ESRRG: variants seen among roughly 807,000 people sequenced by gnomAD.
The protein encoded by ESRRG is estrogen related receptor gamma.
ESRRG carries 13 observed loss-of-function variants against 44.0 expected under a neutral mutation model. The ratio of observed to expected loss-of-function variants is 0.30; its 90% CI spans 0.19 to 0.47. The LOEUF (loss-of-function observed/expected upper bound fraction) is 0.47, where lower values mean the gene tolerates loss of function less well. Among genes scored for constraint, ESRRG ranks in the 20% least tolerant of loss-of-function variants. ESRRG has a pLI of 1.00. For missense variants in ESRRG, 395 were observed against 580.6 expected (o/e 0.68, Z 3.29); for synonymous variants, 215 against 214.6 (o/e 1.00, Z -0.02).
chr1:216,650,088 T>C (rs1050573548), intron 3 of ESRRG, among the ~76,000 whole-genome samples: 1 of 152,198 alleles, frequency 6.6e-6, no homozygotes, highest in Non-Finnish European at 1.5e-5. Context: ...TTACCATCTT[T>C]TCATTGTGTT....
intron 2 of ESRRG, among the ~76,000 whole-genome samples, chr1:216,927,359 C>A (rs1402364949): frequency 6.6e-6 from 1 of 152,078 alleles, no homozygotes; most frequent in Non-Finnish European, 1.5e-5. Context: ...CTGAAGACGG[C>A]CCCTCACCAC....
At chr1:216,921,193 A>T (rs1176402939) in intron 2 of ESRRG, among the ~76,000 whole-genome samples, 1 of 152,176 alleles carries the variant, frequency 6.6e-6, no homozygotes, top group Non-Finnish European at 1.5e-5. Flanking sequence ...TCACGTAGAT[A>T]CCAGACACAT....
At chr1:217,117,499 C>T (rs565537482) in intron 1 of ESRRG, among the ~76,000 whole-genome samples, 19 of 152,054 alleles carry the variant, frequency 1.2e-4, no homozygotes, top group Non-Finnish European at 2.5e-4. Flanking sequence ...ATGGATTGAT[C>T]ACTTGAGCCT....
intron 2 of ESRRG, among the ~76,000 whole-genome samples, chr1:216,758,357 G>A (rs1247001130): frequency 6.6e-6 from 1 of 152,066 alleles, no homozygotes; most frequent in Non-Finnish European, 1.5e-5. Context: ...TTCGGCTGCA[G>A]TTAATCTTAA....
chr1:216,981,098 A>G (rs2073894501), intron 1 of ESRRG, among the ~76,000 whole-genome samples: 1 of 152,186 alleles, frequency 6.6e-6, no homozygotes, highest in Admixed American at 6.6e-5. Context: ...CAATATCCAC[A>G]GGTACAATTA....
intron 3 of ESRRG, among the ~76,000 whole-genome samples, chr1:216,625,842 C>A (rs956138454): frequency 6.6e-6 from 1 of 152,126 alleles, no homozygotes. Flanking sequence ...TTATGTATTT[C>A]TTTTAGCCAC....
intron 3 of ESRRG, among the ~76,000 whole-genome samples, chr1:216,608,277 G>A (rs1298310443): frequency 6.6e-6 from 1 of 152,102 alleles, no homozygotes; most frequent in African/African-American, 2.4e-5. Flanking sequence ...CATGACTGTA[G>A]ATTCTGAAGA....
At chr1:217,101,276 G>A (rs1055117857) in intron 1 of ESRRG, among the ~76,000 whole-genome samples, 1 of 152,318 alleles carries the variant, frequency 6.6e-6, no homozygotes, top group South Asian at 2.1e-4. Context: ...TAATCGGTCT[G>A]TGCCTCAGTT....
intron 2 of ESRRG, among the ~76,000 whole-genome samples, chr1:216,860,308 C>G (rs1300112027): frequency 1.3e-5 from 2 of 151,918 alleles, no homozygotes; most frequent in Non-Finnish European, 2.9e-5. Flanking sequence ...GAAAAAATAG[C>G]AGACAAAGAC....
intron 2 of ESRRG, among the ~76,000 whole-genome samples, chr1:216,846,346 T>C (rs2095748752): frequency 6.6e-6 from 1 of 152,142 alleles, no homozygotes; most frequent in Admixed American, 6.6e-5. Context: ...TTTTTACTTA[T>C]AAACAAGGAA....
At chr1:216,723,442 A>C, upstream of ESRRG, 1 of 717,686 alleles carries the variant, frequency 1.4e-6, no homozygotes, top group Non-Finnish European at 2.4e-6. Context: ...ACACTCTCCT[A>C]ATCAAGGACT....
intron 2 of ESRRG, among the ~76,000 whole-genome samples, chr1:216,903,529 T>G (rs2059339145): frequency 6.6e-6 from 1 of 151,938 alleles, no homozygotes; most frequent in Admixed American, 6.6e-5. Flanking sequence ...AGAATCTGAT[T>G]GCTCAGCTGT....
intron 3 of ESRRG, among the ~76,000 whole-genome samples, chr1:216,611,306 T>A (rs902202867): frequency 1.3e-5 from 2 of 151,804 alleles, no homozygotes; most frequent in East Asian, 3.9e-4. Context: ...CATTTGTCTG[T>A]TTCTTGTGTT....
intron 5 of ESRRG, among the ~76,000 whole-genome samples, chr1:216,540,939 A>G (rs2052519125): frequency 6.6e-6 from 1 of 151,974 alleles, no homozygotes; most frequent in Non-Finnish European, 1.5e-5. Flanking sequence ...GTTTTTCAAG[A>G]TGTTTCTTTA....
At position 216,826,913 on chromosome 1, in the gene ESRRG, T is replaced by C. The variant is rs866704892; in HGVS notation, c.-14+112669A>G. Among the ~76,000 whole-genome samples, 3 of 152,288 alleles carry C rather than the reference T, an allele frequency of 2.0e-5. No homozygotes were observed. In the South Asian group the frequency reaches 6.2e-4, roughly 32 times the overall value. On this transcript the variant is annotated intron_variant, in intron 2 of 7. Transcript: ENST00000359162. Reference sequence around the variant, plus strand: ...TGATCACGTGAAGTGACCTTCAGTATCTACAATTTTCATGAGGGCCCTTTA... The same window carrying C: ...TGATCACGTGAAGTGACCTTCAGTACCTACAATTTTCATGAGGGCCCTTTA...
chr1:216,796,857 TA>T (rs2094482886), intron 2 of ESRRG, among the ~76,000 whole-genome samples: 1 of 152,136 alleles, frequency 6.6e-6, no homozygotes, highest in Non-Finnish European at 1.5e-5. Flanking sequence ...ATCACTTTTT[TA>T]AAAAATAAAC....
intron 5 of ESRRG, among the ~76,000 whole-genome samples, chr1:216,540,630 G>A (rs1370554521): frequency 6.6e-6 from 1 of 151,936 alleles, no homozygotes; most frequent in East Asian, 1.9e-4. Flanking sequence ...TAAAGATGTA[G>A]ATGTAATAGT....
intron 2 of ESRRG, among the ~76,000 whole-genome samples, chr1:216,845,530 T>C (rs2095730475): frequency 6.6e-6 from 1 of 152,120 alleles, no homozygotes; most frequent in African/African-American, 2.4e-5. Flanking sequence ...TGGACAAAAT[T>C]GGAAAACAGG....
At chr1:217,094,329 A>C (rs1394479788), upstream of ESRRG, among the ~76,000 whole-genome samples, 1 of 152,202 alleles carries the variant, frequency 6.6e-6, no homozygotes, top group Non-Finnish European at 1.5e-5. Context: ...AATGGATCCA[A>C]CCTATTTTGC....
Sources: allele counts gnomAD v4.1 joint callset (sites outside exome capture counted in the v4.1 genomes callset), GRCh38; gene constraint gnomAD v4.1.1; transcripts MANE v1.5; gene names NCBI Gene and HGNC (gene_info 2026-07-23, HGNC 2026-07-21).